EXOC4: variants seen among roughly 807,000 people sequenced by gnomAD.
EXOC4 encodes SEC8-like 1.
Under a neutral mutation model 107.2 loss-of-function variants are expected in EXOC4, and 71 were observed. The observed-to-expected ratio is 0.66, with a 90% CI of 0.55 to 0.81. EXOC4 has a LOEUF of 0.81. Ranked by LOEUF, EXOC4 falls within the 30% of genes least tolerant of loss-of-function variation. The pLI is 0.00. For missense variants in EXOC4, 1,108 were observed against 1,189.6 expected, an observed-to-expected ratio of 0.93 and a Z score of 1.01; for synonymous variants, 456 against 441.2, an observed-to-expected ratio of 1.03 and a Z score of -0.42.
chr7:133,838,012 C>A (rs1469663740), intron 11 of EXOC4, among the ~76,000 whole-genome samples: 2 of 152,098 alleles, frequency 1.3e-5, no homozygotes, highest in Admixed American at 6.6e-5. Flanking sequence ...ACACAAATAA[C>A]ACATGATAAA....
rs185435998 is a variant in EXOC4, at chr7:133,521,914, C to T, written c.1417+41776C>T. ...GATTACAGGTGTGAGCCACCATGCC[C>T]GGCCCCATTTCAGTTCTGTTTTATG... On this transcript the variant is annotated intron_variant, in intron 9 of 17. Transcript: ENST00000253861. 1.5e-3 allele frequency among the ~76,000 whole-genome samples: 233 copies of T among 152,146 alleles called. 1 individual carries two copies. The highest frequency in any genetic ancestry group is 5.3e-3 in the African/African-American group (218 of 41,522).
intron 9 of EXOC4, among the ~76,000 whole-genome samples, chr7:133,599,569 G>T (rs1277163725): frequency 6.6e-6 from 1 of 152,088 alleles, no homozygotes; most frequent in African/African-American, 2.4e-5. Context: ...ATGTATCATT[G>T]CCTCTTTGAT....
At chr7:133,602,440 G>A (rs754778822) in intron 9 of EXOC4, among the ~76,000 whole-genome samples, 3 of 152,156 alleles carry the variant, frequency 2.0e-5, no homozygotes, top group Non-Finnish European at 2.9e-5. Context: ...TGTTATTGGC[G>A]ATTGAGTTGT....
chr7:133,289,204 G>A (rs993087916), intron 3 of EXOC4, 88 bp downstream of exon 3: 4 of 1,149,288 alleles, frequency 3.5e-6, no homozygotes, highest in Non-Finnish European at 4.9e-6. Context: ...AATGCATGTA[G>A]CACATTACAA....
intron 10 of EXOC4, among the ~76,000 whole-genome samples, chr7:133,728,828 T>G (rs1311536684): frequency 6.6e-6 from 1 of 152,170 alleles, no homozygotes; most frequent in African/African-American, 2.4e-5. Flanking sequence ...TTGAATTTTG[T>G]CCACCCTAAC....
At chr7:133,922,148 AC>A (rs1490531681) in intron 13 of EXOC4, among the ~76,000 whole-genome samples, 1 of 152,050 alleles carries the variant, frequency 6.6e-6, no homozygotes, top group Non-Finnish European at 1.5e-5. Context: ...ATATATACAT[AC>A]TTTTAATGAA....
chr7:134,092,214 A>T, the EXOC4 span, among the ~76,000 whole-genome samples: 2 of 152,200 alleles, frequency 1.3e-5, no homozygotes, highest in African/African-American at 4.8e-5. Flanking sequence ...CCTTCTGAAT[A>T]TACTAAAATC....
intron 10 of EXOC4, among the ~76,000 whole-genome samples, chr7:133,649,568 C>CA (rs1265880554): frequency 6.7e-6 from 1 of 150,130 alleles, no homozygotes; most frequent in African/African-American, 2.5e-5. Context: ...TGTACCCCAT[C>CA]AGAGTGTTTC....
intron 15 of EXOC4, among the ~76,000 whole-genome samples, chr7:134,004,544 C>G (rs1179932519): frequency 1.3e-5 from 2 of 152,136 alleles, no homozygotes; most frequent in Non-Finnish European, 2.9e-5. Context: ...TCACAGTATG[C>G]CTACAACCCT....
chr7:133,280,951 T>C (rs988442410), intron 2 of EXOC4, among the ~76,000 whole-genome samples: 2 of 152,162 alleles, frequency 1.3e-5, no homozygotes, highest in Non-Finnish European at 2.9e-5. Context: ...TAATTTTAAA[T>C]GCGTGCAGCA....
chr7:133,910,217 C>T lies in EXOC4; in HGVS notation c.1872-7366C>T, dbSNP rs1799660817. Among the ~76,000 whole-genome samples, 3 of 152,196 alleles carry T rather than the reference C, an allele frequency of 2.0e-5. No individual in the cohort carries two copies. The South Asian group carries it at 6.2e-4, about 31-fold the overall frequency. On this transcript the variant is annotated intron_variant, in intron 12 of 17. Coordinates refer to ENST00000253861, the MANE Select transcript of EXOC4 (RefSeq NM_021807.4). ...GATTACAGGCGTCAACCACTGCGTC[C>T]AGCTGAGACAGATTTTATATGAATT...
intron 7 of EXOC4, among the ~76,000 whole-genome samples, chr7:133,439,260 C>T (rs1798048065): frequency 7.9e-6 from 1 of 126,706 alleles, no homozygotes; most frequent in African/African-American, 3.0e-5. Context: ...TCTCGGCTTA[C>T]TGCAACCTCC....
chr7:133,275,032 G>A lies in EXOC4; in HGVS notation c.137G>A (p.Arg46His), dbSNP rs763612418. The A allele has an allele frequency of 3.7e-6, 6 of 1,613,452 alleles. No individual in the cohort carries two copies. Among genetic ancestry groups the A allele is most frequent in the East Asian group, 2.2e-5 (1 of 44,888 alleles). The change falls in exon 2 of 18, where the codon CGC (arginine) becomes CAC (histidine). Residue 46 changes from arginine (R) to histidine (H), a missense_variant. By Grantham distance (29) the Arg-to-His change is conservative. Coordinates refer to ENST00000253861, the MANE Select transcript of EXOC4 (RefSeq NM_021807.4). ...GAAGACAGGGAAAATGAAAAGGGTCGCCTTGAAGAAGCCTACGAGAAATGT... is the reference window on the plus strand; with the variant it reads ...GAAGACAGGGAAAATGAAAAGGGTCACCTTGAAGAAGCCTACGAGAAATGT... The part of the protein sequence containing the change: ...DVEDRENEKG[R>H]LEEAYEKCDR...
chr7:133,253,320 G>T lies in EXOC4; in HGVS notation c.86+133G>T, dbSNP rs565423610. On this transcript the variant is annotated intron_variant, in intron 1 of 17. Coordinates refer to ENST00000253861, the MANE Select transcript of EXOC4 (RefSeq NM_021807.4). Reference sequence around the variant, plus strand: ...TTGCCTCCCGCAGCCCCTCCCCAGGGCTCTAACCCCTCCCCAGGGCCCCAG... The same window carrying T: ...TTGCCTCCCGCAGCCCCTCCCCAGGTCTCTAACCCCTCCCCAGGGCCCCAG... 2.9e-4 allele frequency: 414 copies of T among 1,425,104 alleles called. 2 individuals carry two copies. In the African/African-American group the frequency reaches 5.6e-3, roughly 19 times the overall value. 88.3% of individuals were successfully genotyped at this position (1,425,104 alleles called of 1,614,324 possible). A position where few individuals can be genotyped will look rare whatever the true frequency, so the allele number is the denominator to read the frequency against.
intron 14 of EXOC4, among the ~76,000 whole-genome samples, chr7:133,959,779 G>A (rs193013886): frequency 4.6e-5 from 7 of 152,144 alleles, no homozygotes. Context: ...GTCAAAAGTG[G>A]CAGAGGAAGT....
At chr7:133,776,230 C>T (rs202077682) in intron 10 of EXOC4, among the ~76,000 whole-genome samples, 2 of 3,400 alleles carry the variant, frequency 5.9e-4, no homozygotes, top group African/African-American at 1.3e-3. Flanking sequence ...TTCCACCCGT[C>T]GGTTCTATGA....
At position 134,004,950 on chromosome 7, in the gene EXOC4, A is replaced by AGG; in HGVS notation, c.2390_2391dup (p.Asn798GlyfsTer32). ...CACTATCTTATCCCTCTTGCAAAGG[A>AGG]GGGGAACTATGCCATTGTGGCTAAT... is the stretch of plus-strand genomic sequence containing the variant. On this transcript the variant is annotated frameshift_variant, in exon 16 of 18. Transcript: ENST00000253861. LOFTEE classifies it high-confidence loss of function. 1 of 1,613,382 alleles carries AGG rather than the reference A, an allele frequency of 6.2e-7. No individual in the cohort carries two copies. The highest frequency in any genetic ancestry group is 8.5e-7 in the Non-Finnish European group (1 of 1,179,568).
intron 11 of EXOC4, among the ~76,000 whole-genome samples, chr7:133,820,549 A>G (rs1295245696): frequency 6.6e-6 from 1 of 152,258 alleles, no homozygotes; most frequent in Admixed American, 6.5e-5. Flanking sequence ...CTGAGAATCC[A>G]AAACAAATGT....
At chr7:133,927,718 A>T (rs1800083694) in intron 13 of EXOC4, among the ~76,000 whole-genome samples, 1 of 152,252 alleles carries the variant, frequency 6.6e-6, no homozygotes, top group Admixed American at 6.5e-5. Flanking sequence ...CAAGAGTAAA[A>T]AATGCTTTAC....
Sources: gnomAD v4.1 joint callset for allele counts (sites outside exome capture counted in the v4.1 genomes callset) on GRCh38, gnomAD v4.1.1 for gene constraint, MANE v1.5 for transcripts, NCBI Gene and HGNC (gene_info 2026-07-23, HGNC 2026-07-21) for gene names.